SRPK1: variants seen among roughly 807,000 people sequenced by gnomAD.
SRPK1 encodes the protein SFRS protein kinase 1.
Under a neutral mutation model 89.5 loss-of-function variants are expected in SRPK1, and 52 were observed. The observed-to-expected ratio is 0.58, with a 90% CI of 0.46 to 0.73. SRPK1 has a LOEUF of 0.73. Among genes scored for constraint, SRPK1 ranks in the 30% least tolerant of loss-of-function variants. The pLI is 0.00. For missense variants in SRPK1, 603 were observed against 780.6 expected (o/e 0.77, Z 2.71); for synonymous variants, 255 against 270.2 (o/e 0.94, Z 0.55).
At chr6:35,906,774 A>C (rs1182307302) in intron 2 of SRPK1, among the ~76,000 whole-genome samples, 1 of 152,174 alleles carries the variant, frequency 6.6e-6, no homozygotes, top group Non-Finnish European at 1.5e-5. Context: ...AACATACTAA[A>C]AACCACTGAA....
chr6:35,867,602 G>A (rs1769934593), intron 12 of SRPK1, among the ~76,000 whole-genome samples: 1 of 152,272 alleles, frequency 6.6e-6, no homozygotes. Flanking sequence ...GATCACTTGA[G>A]GTCCGGAGTT....
intron 12 of SRPK1, among the ~76,000 whole-genome samples, chr6:35,864,177 C>T (rs1769845769): frequency 6.6e-6 from 1 of 151,986 alleles, no homozygotes; most frequent in African/African-American, 2.4e-5. Flanking sequence ...GCAACCAAAA[C>T]AAAAATGGAC....
chr6:35,876,881 A>G (rs1274678278), intron 6 of SRPK1, among the ~76,000 whole-genome samples: 1 of 152,184 alleles, frequency 6.6e-6, no homozygotes, highest in Non-Finnish European at 1.5e-5. Flanking sequence ...AGACTCCACA[A>G]GTTGAATCAA....
rs376417169 is a variant in SRPK1 at position 35,869,652 on chromosome 6, C to G, written c.1241G>C (p.Cys414Ser). 6.9e-5 allele frequency: 112 copies of G among 1,613,858 alleles called. No homozygotes were observed. Among genetic ancestry groups the G allele is most frequent in the Non-Finnish European group, 8.9e-5 (105 of 1,179,894 alleles). The change falls in exon 11 of 16, where the codon TGT (cysteine) becomes TCT (serine). Residue 414 changes from cysteine (C) to serine (S), a missense_variant. Transcript: ENST00000373825. Reference sequence around the variant, plus strand: ...TGACACCTCAGATGTTATAGGTGTACAAGAGTCTGTTTCTTGAGATGTGCT... The same window carrying G: ...TGACACCTCAGATGTTATAGGTGTAGAAGAGTCTGTTTCTTGAGATGTGCT... Reference protein sequence around the residue: ...DSSTSQETDSCTPITSEVSDT... With the variant: ...DSSTSQETDSSTPITSEVSDT...
intron 3 of SRPK1, among the ~76,000 whole-genome samples, chr6:35,890,001 G>A (rs1429160584): frequency 2.6e-5 from 4 of 151,810 alleles, no homozygotes; most frequent in Non-Finnish European, 5.9e-5. Flanking sequence ...CCAGCTACTC[G>A]GGAGGCTGAG....
intron 15 of SRPK1, among the ~76,000 whole-genome samples, chr6:35,838,019 C>A (rs1769221497): frequency 1.3e-5 from 2 of 152,086 alleles, no homozygotes; most frequent in South Asian, 4.1e-4. Context: ...CAGGCGCCCG[C>A]CACTCTTCCC....
At chr6:35,902,232 C>CAAAAAAAAAAA (rs58763282) in intron 2 of SRPK1, among the ~76,000 whole-genome samples, 1 of 83,570 alleles carries the variant, frequency 1.2e-5, no homozygotes. Flanking sequence ...TCCGTCTCTA[C>CAAAAAAAAAAA]AAAAAAAAAA....
chr6:35,874,487 T>A lies in SRPK1; in HGVS notation c.479-148A>T, dbSNP rs1770111737. On this transcript the variant is annotated intron_variant, in intron 6 of 15. Transcript: ENST00000373825. Reference sequence around the variant, plus strand: ...GAATGAATAAATATGTAGCTGTTAATATTCTAAAATTTCAAAGTCTAATGC... The same window carrying A: ...GAATGAATAAATATGTAGCTGTTAAAATTCTAAAATTTCAAAGTCTAATGC... 1.6e-5 allele frequency: 10 copies of A among 621,052 alleles called. No individual in the cohort carries two copies. In the Middle Eastern group the frequency reaches 1.0e-3, roughly 63 times the overall value. 38.5% of individuals were successfully genotyped at this position (621,052 alleles called of 1,614,324 possible). A position where few individuals can be genotyped will look rare whatever the true frequency, so the allele number is the denominator to read the frequency against.
intron 13 of SRPK1, among the ~76,000 whole-genome samples, chr6:35,853,887 G>T (rs1181080018): frequency 2.8e-5 from 4 of 143,368 alleles, no homozygotes; most frequent in African/African-American, 7.7e-5. Flanking sequence ...TTCGGAGATT[G>T]TTTTTTTTTT....
In SRPK1 at chr6:35,870,159, C is replaced by A. The variant is rs990616156; in HGVS notation, c.991+122G>T. The stretch of plus-strand genomic sequence containing the variant: ...CCTGCCTAACATTTATGACAAGATC[C>A]ATATTCTTATAAAGATACCCCCAGA... On this transcript the variant is annotated intron_variant, in intron 10 of 15. Coordinates refer to ENST00000373825, the MANE Select transcript of SRPK1 (RefSeq NM_003137.5). The A allele has an allele frequency of 1.7e-5, 16 of 919,472 alleles. No individual in the cohort carries two copies. The African/African-American group carries it at 2.4e-4, about 14-fold the overall frequency. The allele number at this position is 919,472 out of a possible 1,614,324, so 57.0% of individuals were successfully genotyped here. A position where few individuals can be genotyped will look rare whatever the true frequency, so the allele number is the denominator to read the frequency against.
At chr6:35,880,853 A>G (rs779348913) in intron 6 of SRPK1, among the ~76,000 whole-genome samples, 4 of 151,194 alleles carry the variant, frequency 2.6e-5, no homozygotes, top group Non-Finnish European at 5.9e-5. Context: ...AAAAAGCTCA[A>G]TGAGCATCAA....
intron 15 of SRPK1, among the ~76,000 whole-genome samples, chr6:35,836,555 C>A (rs1769182995): frequency 6.6e-6 from 1 of 151,932 alleles, no homozygotes. Flanking sequence ...GAGTTCAAGA[C>A]CAGCCTGGGC....
intron 2 of SRPK1, among the ~76,000 whole-genome samples, chr6:35,916,155 C>G (rs1419078659): frequency 6.6e-6 from 1 of 151,376 alleles, no homozygotes; most frequent in Non-Finnish European, 1.5e-5. Context: ...ACCCAGGAGG[C>G]TGAGGTTGCA....
chr6:35,871,102 T>A (rs1561979347), intron 8 of SRPK1, 143 bp from the exon 9 acceptor site: 2 of 469,498 alleles, frequency 4.3e-6, no homozygotes, highest in Non-Finnish European at 7.4e-6. Context: ...TTAAATGACT[T>A]AAGTAGAAGC....
At chr6:35,897,747 A>G (rs1455398555) in intron 2 of SRPK1, among the ~76,000 whole-genome samples, 3 of 152,176 alleles carry the variant, frequency 2.0e-5, no homozygotes, top group East Asian at 3.9e-4. Flanking sequence ...CCTGGGCCCA[A>G]GTGATTCTCC....
chr6:35,864,065 T>G (rs1769842669), intron 12 of SRPK1, among the ~76,000 whole-genome samples: 1 of 152,200 alleles, frequency 6.6e-6, no homozygotes, highest in South Asian at 2.1e-4. Context: ...GACTGAAATC[T>G]AAGATCTCAA....
In SRPK1 at chr6:35,842,737, A is replaced by C. The variant is rs188118266; in HGVS notation, c.1621-133T>G. 68 of 517,062 alleles carry C rather than the reference A, an allele frequency of 1.3e-4. No homozygotes were observed. The Middle Eastern group carries it at 1.5e-3, about 11-fold the overall frequency. The allele number at this position is 517,062 out of a possible 1,614,324, so 32.0% of individuals were successfully genotyped here. On this transcript the variant is annotated intron_variant, in intron 13 of 15. Transcript: ENST00000373825. ...ACTTATAGATCATTTAAAAAAAAAA[A>C]AAAACAAAAACTTAAGATTATTCCT... is the stretch of plus-strand genomic sequence containing the variant.
chr6:35,851,000 A>T (rs529598693), intron 13 of SRPK1, among the ~76,000 whole-genome samples: 90 of 152,284 alleles, frequency 5.9e-4, no homozygotes, highest in Non-Finnish European at 1.9e-4. Context: ...ACGGGGAAGT[A>T]ATATGATTTG....
Position 35,888,049 on chromosome 6 carries a change from A to C in SRPK1, c.365T>G (p.Leu122Arg). ...KSAEHYTETALDEIRLLKSVR... is the reference protein window; with the variant it reads ...KSAEHYTETARDEIRLLKSVR... ...TGACTTCAGCAACCGGATTTCATCT[A>C]GTGCTGTTTCAGTGTAATGTTCAGC... The change falls in exon 5 of 16, where the codon CTA (leucine) becomes CGA (arginine). Residue 122 changes from leucine (L) to arginine (R), a missense_variant. Leu to Arg is a moderately radical substitution (Grantham distance 102). Transcript: ENST00000373825. 2 of 1,605,234 alleles carry C rather than the reference A, an allele frequency of 1.2e-6. No individual in the cohort carries two copies.
Sources: gnomAD v4.1 joint callset for allele counts (sites outside exome capture counted in the v4.1 genomes callset) on GRCh38, gnomAD v4.1.1 for gene constraint, MANE v1.5 for transcripts, NCBI Gene and HGNC (gene_info 2026-07-23, HGNC 2026-07-21) for gene names.